Variants in PCLO observed in about 807,000 individuals in gnomAD.
PCLO encodes the protein piccolo presynaptic cytomatrix protein.
PCLO carries 82 observed loss-of-function variants against 427.5 expected under a neutral mutation model. That is an observed-to-expected ratio of 0.19 (90% CI 0.16 to 0.23). PCLO has a LOEUF of 0.23. Ranked by LOEUF, PCLO falls within the 10% of genes least tolerant of loss-of-function variation. The probability of loss-of-function intolerance (pLI) is 1.00; values close to 1 mark genes in which losing one functional copy is unlikely to be tolerated. For synonymous variants in PCLO, 2,357 were observed against 2,155.4 expected (o/e 1.09, Z -2.59); for missense variants, 6,239 against 6,115.9 (o/e 1.02, Z -0.67).
intron 3 of PCLO, among the ~76,000 whole-genome samples, chr7:83,112,190 T>G (rs1214934615): frequency 6.6e-6 from 1 of 152,094 alleles, no homozygotes; most frequent in Non-Finnish European, 1.5e-5. Context: ...CCTGAGTAGC[T>G]GAGATTACAA....
chr7:82,879,376 G>A lies in PCLO; in HGVS notation c.13615C>T (p.Pro4539Ser), dbSNP rs763879358. The change falls in exon 10 of 25, where the codon CCT becomes TCT. Residue 4539 changes from proline (P) to serine (S), a missense_variant. Physicochemically the swap from Pro to Ser is moderately conservative, Grantham distance 74. This residue lies in a region of PCLO where 877 missense variants were observed against 925.5 expected (regional missense o/e 0.95). Coordinates refer to ENST00000333891, the MANE Select transcript of PCLO (RefSeq NM_033026.6). ...CCCGTCTGTTCCGCACTTCCCCCAG[G>A]AAGAATCTTGGCAATATAGGCTCCA... ...EIGAYIAKILPGGSAEQTGKL... is the reference protein window; with the variant it reads ...EIGAYIAKILSGGSAEQTGKL... 3.7e-6 allele frequency: 6 copies of A among 1,612,364 alleles called. No homozygotes were observed. The Admixed American group carries it at 8.3e-5, about 22-fold the overall frequency.
chr7:82,964,170 G>C (rs1467119846), intron 4 of PCLO, among the ~76,000 whole-genome samples: 1 of 152,102 alleles, frequency 6.6e-6, no homozygotes, highest in Non-Finnish European at 1.5e-5. Flanking sequence ...AAGTAAGGTA[G>C]TGCCCTGAGG....
chr7:82,758,552 A>G lies in PCLO; in HGVS notation c.*23T>C, dbSNP rs762864508. On this transcript the variant is annotated 3_prime_UTR_variant, in exon 25 of 25. Coordinates refer to ENST00000333891, the MANE Select transcript of PCLO (RefSeq NM_033026.6). ...TGTGAGGCTATTTAGAGCAGTTTCT[A>G]TACCCTGAGAAGACATGTTTCTTCA... The G allele has an allele frequency of 2.5e-6, 4 of 1,601,248 alleles. No homozygotes were observed. The highest frequency in any genetic ancestry group is 2.2e-5 in the East Asian group (1 of 44,702).
intron 3 of PCLO, among the ~76,000 whole-genome samples, chr7:83,036,040 C>T (rs1788786458): frequency 1.3e-5 from 2 of 152,128 alleles, no homozygotes; most frequent in South Asian, 2.1e-4. Flanking sequence ...CCCATGCCTT[C>T]CTATAAAATA....
At chr7:83,145,140 ATTCTAT>A (rs1791961396) in intron 2 of PCLO, among the ~76,000 whole-genome samples, 1 of 152,064 alleles carries the variant, frequency 6.6e-6, no homozygotes, top group Non-Finnish European at 1.5e-5. Context: ...TAGACTCTGG[ATTCTAT>A]TTCTGACAGT....
At chr7:82,793,727 C>G (rs985117776) in intron 22 of PCLO, among the ~76,000 whole-genome samples, 2 of 152,136 alleles carry the variant, frequency 1.3e-5, no homozygotes, top group Non-Finnish European at 2.9e-5. Context: ...ATAAGATTTT[C>G]TCAGGTGTTC....
chr7:83,025,356 A>G lies in PCLO; in HGVS notation c.3301-58869T>C, dbSNP rs1454261274. On this transcript the variant is annotated intron_variant, in intron 3 of 24. Transcript: ENST00000333891. The stretch of plus-strand genomic sequence containing the variant: ...ATCAACTGGAAGAAAGGGTATCAGC[A>G]ATGGAAGATGAAATGAATGAAATGA... 1.5e-4 allele frequency among the ~76,000 whole-genome samples: 22 copies of G among 151,042 alleles called. No homozygotes were observed. In the East Asian group the frequency reaches 2.1e-3, roughly 15 times the overall value.
chr7:82,989,949 G>A (rs954454254), intron 3 of PCLO, among the ~76,000 whole-genome samples: 1 of 152,118 alleles, frequency 6.6e-6, no homozygotes, highest in African/African-American at 2.4e-5. Flanking sequence ...CTTCAGACTG[G>A]AAAATATTAA....
At chr7:83,069,949 C>T (rs1432029804) in intron 3 of PCLO, among the ~76,000 whole-genome samples, 1 of 152,036 alleles carries the variant, frequency 6.6e-6, no homozygotes, top group Non-Finnish European at 1.5e-5. Flanking sequence ...GATACTTCTT[C>T]CCTCAAGAGG....
chr7:82,844,484 C>A (rs895735113), intron 13 of PCLO, among the ~76,000 whole-genome samples: 4 of 152,050 alleles, frequency 2.6e-5, no homozygotes, highest in Non-Finnish European at 4.4e-5. Flanking sequence ...AAAAAACAAA[C>A]TTTATTTTTT....
chr7:82,804,646 C>T lies in PCLO; in HGVS notation c.14933+1042G>A, dbSNP rs147985004. On this transcript the variant is annotated intron_variant, in intron 21 of 24. Coordinates refer to ENST00000333891, the MANE Select transcript of PCLO (RefSeq NM_033026.6). Reference sequence around the variant, plus strand: ...ATATTTTAGATGGGCTGTATTCTAACGACTTAATTCTGCCCTGCAGCACAA... The same window carrying T: ...ATATTTTAGATGGGCTGTATTCTAATGACTTAATTCTGCCCTGCAGCACAA... Among the ~76,000 whole-genome samples the T allele has an allele frequency of 3.1e-3, 476 of 152,234 alleles. 3 individuals are homozygous for T. The highest frequency in any genetic ancestry group is 0.011 in the African/African-American group (460 of 41,550).
At chr7:82,769,015 G>A (rs956680575) in intron 22 of PCLO, among the ~76,000 whole-genome samples, 9 of 152,086 alleles carry the variant, frequency 5.9e-5, no homozygotes, top group Admixed American at 2.6e-4. Flanking sequence ...TTGCCAAGTC[G>A]TTAAATGGCC....
At position 82,916,692 on chromosome 7, in the gene PCLO, T is replaced by C. The variant is rs768905738; in HGVS notation, c.11294A>G (p.Asp3765Gly). ...CACAAGATCAAGCTCTCTGTCTATG[T>C]CCTGGAGAATCTTGGCTCGTGCCAT... is the stretch of plus-strand genomic sequence containing the variant. Reference protein sequence around the residue: ...NTMARAKILQDIDRELDLVER... With the variant: ...NTMARAKILQGIDRELDLVER... Residue 3765 changes from aspartate to glycine, a missense_variant, in exon 7 of 25, where the codon GAC becomes GGC. This residue lies in a region of PCLO where 4,677 missense variants were observed against 4,468.4 expected (regional missense o/e 1.05). Transcript: ENST00000333891. The C allele has an allele frequency of 1.9e-6, 3 of 1,613,682 alleles. No homozygotes were observed. The highest frequency in any genetic ancestry group is 1.7e-6 in the Non-Finnish European group (2 of 1,179,748).
At chr7:82,859,971 C>G (rs372114195) in intron 10 of PCLO, among the ~76,000 whole-genome samples, 13 of 151,862 alleles carry the variant, frequency 8.6e-5, no homozygotes, top group African/African-American at 1.7e-4. Flanking sequence ...AAGAATTGAT[C>G]AAGCAAAAGA....
intron 2 of PCLO, among the ~76,000 whole-genome samples, chr7:83,139,934 T>G (rs1233139914): frequency 6.6e-6 from 1 of 152,156 alleles, no homozygotes; most frequent in Non-Finnish European, 1.5e-5. Flanking sequence ...AGTCTTGTAT[T>G]GAAAACAGCA....
intron 3 of PCLO, among the ~76,000 whole-genome samples, chr7:82,991,553 T>C (rs1796377486): frequency 6.6e-6 from 1 of 152,138 alleles, no homozygotes; most frequent in Non-Finnish European, 1.5e-5. Context: ...ACAATATATT[T>C]AAATAAACTT....
intron 21 of PCLO, among the ~76,000 whole-genome samples, chr7:82,803,566 T>C (rs1791401871): frequency 6.6e-6 from 1 of 152,118 alleles, no homozygotes; most frequent in South Asian, 2.1e-4. Context: ...TTTCATAGGA[T>C]TGTGAAGCTA....
At chr7:83,158,315 T>C (rs1049536633) in intron 1 of PCLO, among the ~76,000 whole-genome samples, 4 of 152,070 alleles carry the variant, frequency 2.6e-5, no homozygotes, top group African/African-American at 9.6e-5. Flanking sequence ...AAAATCATTC[T>C]GAACATTTCT....
intron 22 of PCLO, among the ~76,000 whole-genome samples, chr7:82,763,402 G>T (rs180719847): frequency 6.6e-6 from 1 of 152,062 alleles, no homozygotes; most frequent in African/African-American, 2.4e-5. Context: ...CGGAACCACG[G>T]AGGTCTGTGA....
Sources: gnomAD v4.1 joint callset for allele counts (sites outside exome capture counted in the v4.1 genomes callset) on GRCh38, gnomAD v4.1.1 for gene constraint, gnomAD v4.1.1 regional missense constraint, MANE v1.5 for transcripts, NCBI Gene and HGNC (gene_info 2026-07-23, HGNC 2026-07-21) for gene names.